The following FRMD4A variants were observed in gnomAD, a reference collection of about 807,000 sequenced individuals.
The protein encoded by FRMD4A is FERM domain containing 4A, also known as FERM domain-containing protein 4A.
Under a neutral mutation model 129.1 loss-of-function variants are expected in FRMD4A, and 29 were observed. The ratio of observed to expected loss-of-function variants is 0.22; its 90% confidence interval spans 0.17 to 0.31. The LOEUF is 0.31. Among genes scored for constraint, FRMD4A ranks in the 10% least tolerant of loss-of-function variants. The pLI, the probability that FRMD4A is intolerant of heterozygous loss-of-function variation, is 1.00. For missense variants in FRMD4A, 1,272 were observed against 1,375.8 expected (o/e 0.92, Z 1.19); for synonymous variants, 634 against 571.6 (o/e 1.11, Z -1.56).
At chr10:13,819,253 C>T (rs2093593437) in intron 3 of FRMD4A, among the ~76,000 whole-genome samples, 1 of 152,176 alleles carries the variant, frequency 6.6e-6, no homozygotes, top group Non-Finnish European at 1.5e-5. Flanking sequence ...CTCACTTTTG[C>T]CCAGTTCCCT....
At chr10:13,669,371 C>T (rs991779388) in intron 17 of FRMD4A, among the ~76,000 whole-genome samples, 4 of 152,200 alleles carry the variant, frequency 2.6e-5, no homozygotes, top group African/African-American at 7.2e-5. Flanking sequence ...CGCCCGGCCA[C>T]ATGAGCTTTA....
In FRMD4A at chr10:14,040,439, T is replaced by C. The variant is rs553674509; in HGVS notation, c.46-181527A>G. 1.4e-4 allele frequency among the ~76,000 whole-genome samples: 21 copies of C among 152,324 alleles called. No homozygotes were observed. In the South Asian group the frequency reaches 1.7e-3, roughly 12 times the overall value. On this transcript the variant is annotated intron_variant, in intron 2 of 24. Transcript: ENST00000357447. ...TCTTAATAGCATCTCCATTGTGTAATGGAGAGACTCAATAATGGTACTGAA... is the reference window on the plus strand; with the variant it reads ...TCTTAATAGCATCTCCATTGTGTAACGGAGAGACTCAATAATGGTACTGAA...
chr10:13,725,789 T>C (rs2089849492), intron 12 of FRMD4A, among the ~76,000 whole-genome samples: 2 of 152,232 alleles, frequency 1.3e-5, no homozygotes, highest in African/African-American at 4.8e-5. Flanking sequence ...CCATCCCACC[T>C]CTTGTTTTCA....
At chr10:14,184,298 ATTTTTT>A (rs60196881) in intron 2 of FRMD4A, among the ~76,000 whole-genome samples, 1 of 104,908 alleles carries the variant, frequency 9.5e-6, no homozygotes, top group Non-Finnish European at 2.0e-5. Flanking sequence ...CAACCGGTTA[ATTTTTT>A]TTTTTTTTTT....
intron 2 of FRMD4A, chr10:13,890,767 G>A (rs2094686129): frequency 5.1e-6 from 5 of 985,212 alleles, no homozygotes; most frequent in Admixed American, 1.2e-4. Flanking sequence ...ATTGGTTCTC[G>A]TTTCTCAGCA....
At chr10:13,851,388 G>A (rs2094138047) in intron 3 of FRMD4A, among the ~76,000 whole-genome samples, 1 of 151,998 alleles carries the variant, frequency 6.6e-6, no homozygotes, top group African/African-American at 2.4e-5. Flanking sequence ...CCAACCCCTG[G>A]GCCATGGACT....
chr10:13,825,553 T>G (rs1451375771), intron 3 of FRMD4A, among the ~76,000 whole-genome samples: 1 of 152,228 alleles, frequency 6.6e-6, no homozygotes, highest in Non-Finnish European at 1.5e-5. Flanking sequence ...AGTTTCATCC[T>G]GAAACCATCC....
intron 2 of FRMD4A, among the ~76,000 whole-genome samples, chr10:14,130,836 C>A (rs1325398834): frequency 6.6e-6 from 1 of 152,116 alleles, no homozygotes; most frequent in Non-Finnish European, 1.5e-5. Flanking sequence ...CTCCGTAGCC[C>A]CTGGCTCTTA....
chr10:13,953,879 C>T (rs1257379498), intron 2 of FRMD4A, among the ~76,000 whole-genome samples: 1 of 152,216 alleles, frequency 6.6e-6, no homozygotes, highest in African/African-American at 2.4e-5. Context: ...GGGTAGACAA[C>T]TGCATATTGT....
intron 2 of FRMD4A, among the ~76,000 whole-genome samples, chr10:13,930,506 C>T (rs1003385265): frequency 6.6e-5 from 10 of 152,198 alleles, no homozygotes; most frequent in Non-Finnish European, 1.2e-4. Context: ...GGCTCAGGGA[C>T]ATGCCTAGGG....
At chr10:13,938,085 C>T (rs528256749) in intron 2 of FRMD4A, among the ~76,000 whole-genome samples, 2 of 152,258 alleles carry the variant, frequency 1.3e-5, no homozygotes, top group East Asian at 3.9e-4. Flanking sequence ...TTTATTTGCC[C>T]CTAAACCACC....
chr10:13,778,645 T>C (rs1045457652), intron 6 of FRMD4A, among the ~76,000 whole-genome samples: 2 of 150,414 alleles, frequency 1.3e-5, no homozygotes, highest in Admixed American at 6.7e-5. Context: ...TAAGGTTTAA[T>C]GGGTTTTTGC....
chr10:13,732,578 CTCTG>C (rs2090387040), intron 12 of FRMD4A, among the ~76,000 whole-genome samples: 1 of 152,234 alleles, frequency 6.6e-6, no homozygotes, highest in Admixed American at 6.5e-5. Flanking sequence ...CAGGGAGGGC[CTCTG>C]TCTGCCGCCG....
chr10:14,274,239 C>T (rs1165031271), intron 2 of FRMD4A, among the ~76,000 whole-genome samples: 1 of 152,172 alleles, frequency 6.6e-6, no homozygotes, highest in African/African-American at 2.4e-5. Context: ...TAAGTCGATC[C>T]CTAGAGGGAT....
chr10:13,787,512 A>G (rs1213490459), intron 5 of FRMD4A, among the ~76,000 whole-genome samples: 1 of 151,760 alleles, frequency 6.6e-6, no homozygotes, highest in Non-Finnish European at 1.5e-5. Context: ...CTCAGGCTGG[A>G]GTGCAGTGTG....
intron 3 of FRMD4A, among the ~76,000 whole-genome samples, chr10:13,858,589 T>C (rs1262852289): frequency 1.3e-5 from 2 of 152,244 alleles, no homozygotes; most frequent in African/African-American, 4.8e-5. Context: ...GCTAAGGGCA[T>C]TGTGGAATTT....
At chr10:13,679,875 A>G (rs546264536) in intron 15 of FRMD4A, among the ~76,000 whole-genome samples, 45 of 152,236 alleles carry the variant, frequency 3.0e-4, no homozygotes, top group African/African-American at 1.0e-3. Context: ...TGACACGGAC[A>G]CACCAGCAAC....
chr10:14,113,818 T>C (rs186068135), intron 2 of FRMD4A, among the ~76,000 whole-genome samples: 1 of 152,280 alleles, frequency 6.6e-6, no homozygotes, highest in Non-Finnish European at 1.5e-5. Flanking sequence ...TGTTCTCTTC[T>C]TCCTCTTCTT....
At chr10:13,954,656 C>G (rs1349950434) in intron 2 of FRMD4A, among the ~76,000 whole-genome samples, 2 of 152,144 alleles carry the variant, frequency 1.3e-5, no homozygotes, top group Non-Finnish European at 2.9e-5. Flanking sequence ...CCTGCAGACC[C>G]TGGTGTCACC....
Sources: gnomAD v4.1 joint callset for allele counts (sites outside exome capture counted in the v4.1 genomes callset) on GRCh38, gnomAD v4.1.1 for gene constraint, MANE v1.5 for transcripts, NCBI Gene and HGNC (gene_info 2026-07-23, HGNC 2026-07-21) for gene names.